The following DAB1 variants were observed in gnomAD, a reference collection of about 807,000 sequenced individuals.
DAB1 encodes disabled homolog 1.
DAB1 carries 15 observed loss-of-function variants against 64.6 expected under a neutral mutation model. The ratio of observed to expected loss-of-function variants is 0.23; its 90% CI spans 0.16 to 0.36. DAB1 has a LOEUF of 0.36. Among genes scored for constraint, DAB1 ranks in the 10% least tolerant of loss-of-function variants. DAB1 has a pLI of 1.00. For missense variants in DAB1, 596 were observed against 706.7 expected, an observed-to-expected ratio of 0.84 and a Z score of 1.78; for synonymous variants, 235 against 251.9, an observed-to-expected ratio of 0.93 and a Z score of 0.64.
At chr1:58,524,925 T>C (rs1365736103) in intron 2 of DAB1, among the ~76,000 whole-genome samples, 1 of 152,204 alleles carries the variant, frequency 6.6e-6, no homozygotes, top group Non-Finnish European at 1.5e-5. Context: ...TGTCTTCTGG[T>C]GTTTTAAGTA....
intron 5 of DAB1, among the ~76,000 whole-genome samples, chr1:57,923,749 T>C (rs1334647285): frequency 6.6e-6 from 1 of 152,222 alleles, no homozygotes; most frequent in Non-Finnish European, 1.5e-5. Flanking sequence ...GAAGACTTTG[T>C]AGGTTGTTAA....
chr1:58,179,732 A>G (rs1656674015), intron 4 of DAB1, among the ~76,000 whole-genome samples: 1 of 151,958 alleles, frequency 6.6e-6, no homozygotes, highest in Admixed American at 6.6e-5. Flanking sequence ...ATTCTGGATC[A>G]GTATAGTAAA....
chr1:57,444,888 C>T (rs1319231458), intron 7 of DAB1, among the ~76,000 whole-genome samples: 1 of 152,186 alleles, frequency 6.6e-6, no homozygotes, highest in Non-Finnish European at 1.5e-5. Flanking sequence ...TAGTTTATTA[C>T]AGCAGCCCTA....
intron 6 of DAB1, among the ~76,000 whole-genome samples, chr1:57,704,633 T>C (rs1646944247): frequency 6.6e-6 from 1 of 152,172 alleles, no homozygotes; most frequent in Admixed American, 6.5e-5. Flanking sequence ...TCAGTTGAAA[T>C]ACAAATTTAT....
chr1:57,430,283 A>C (rs1297879544), intron 7 of DAB1, among the ~76,000 whole-genome samples: 1 of 152,222 alleles, frequency 6.6e-6, no homozygotes, highest in Non-Finnish European at 1.5e-5. Flanking sequence ...ACAAATTATT[A>C]CACAGCCCAC....
At chr1:57,710,405 C>T (rs1647014051) in intron 6 of DAB1, among the ~76,000 whole-genome samples, 1 of 152,142 alleles carries the variant, frequency 6.6e-6, no homozygotes, top group South Asian at 2.1e-4. Context: ...TTTTCACCAT[C>T]TGTAACTCAA....
chr1:57,890,906 C>T (rs1001371799), intron 5 of DAB1, among the ~76,000 whole-genome samples: 3 of 152,154 alleles, frequency 2.0e-5, no homozygotes, highest in African/African-American at 7.2e-5. Context: ...TTTTCATAGT[C>T]ACAACTCATC....
intron 5 of DAB1, among the ~76,000 whole-genome samples, chr1:58,067,906 A>G (rs1648961042): frequency 1.3e-5 from 2 of 152,258 alleles, no homozygotes; most frequent in South Asian, 4.1e-4. Flanking sequence ...TAAAGCATTT[A>G]GGACAGTGCC....
chr1:57,368,726 C>T (rs748055603), intron 1 of DAB1, among the ~76,000 whole-genome samples: 2 of 152,122 alleles, frequency 1.3e-5, no homozygotes, highest in Non-Finnish European at 2.9e-5. Flanking sequence ...CTTGCTCACC[C>T]TCCACTTGTC....
At position 57,010,809 on chromosome 1, in the gene DAB1, A is replaced by G. The variant is rs1179481611; in HGVS notation, c.1573-19T>C. On this transcript the variant is annotated intron_variant, in intron 13 of 14. Transcript: ENST00000371236. ...CATCAGGCTAGAACACAAGAAGATAATACTTTTTTTTTTCTCTCTTTTCAA... is the reference window on the plus strand; with the variant it reads ...CATCAGGCTAGAACACAAGAAGATAGTACTTTTTTTTTTCTCTCTTTTCAA... 1 of 1,521,836 alleles carries G rather than the reference A, an allele frequency of 6.6e-7. No homozygotes were observed. The highest frequency in any genetic ancestry group is 2.2e-5 in the Admixed American group (1 of 45,254). 94.3% of individuals were successfully genotyped at this position (1,521,836 alleles called of 1,614,324 possible).
intron 5 of DAB1, among the ~76,000 whole-genome samples, chr1:57,932,842 G>T (rs565600145): frequency 6.6e-6 from 1 of 152,244 alleles, no homozygotes; most frequent in South Asian, 2.1e-4. Flanking sequence ...TATGTAAAAT[G>T]GGTTTCTTGT....
intron 6 of DAB1, among the ~76,000 whole-genome samples, chr1:57,655,930 A>G (rs2101661605): frequency 6.6e-6 from 1 of 152,242 alleles, no homozygotes; most frequent in African/African-American, 2.4e-5. Context: ...TCTGTTTTCA[A>G]TGGTCTGAAT....
chr1:58,443,559 T>C (rs935668306), intron 3 of DAB1, among the ~76,000 whole-genome samples: 7 of 152,236 alleles, frequency 4.6e-5, no homozygotes, highest in African/African-American at 1.7e-4. Flanking sequence ...AATAGTAATG[T>C]ACCAATGTTA....
chr1:58,017,168 C>T (rs533618734), intron 5 of DAB1, among the ~76,000 whole-genome samples: 15 of 151,998 alleles, frequency 9.9e-5, no homozygotes, highest in African/African-American at 2.9e-4. Flanking sequence ...TTCTGGACCA[C>T]GTTGTCACTT....
intron 4 of DAB1, among the ~76,000 whole-genome samples, chr1:57,079,868 C>T (rs536654842): frequency 1.3e-5 from 2 of 151,924 alleles, no homozygotes; most frequent in East Asian, 3.9e-4. Flanking sequence ...GTCCTCTCTA[C>T]TTCCTCGACT....
chr1:58,441,105 A>G (rs1183216573), intron 3 of DAB1, among the ~76,000 whole-genome samples: 1 of 152,224 alleles, frequency 6.6e-6, no homozygotes, highest in African/African-American at 2.4e-5. Flanking sequence ...ACATTGACAA[A>G]GAGCACATTG....
downstream of DAB1, among the ~76,000 whole-genome samples, chr1:57,822,821 T>G (rs1569783429): frequency 6.6e-6 from 1 of 152,144 alleles, no homozygotes; most frequent in East Asian, 1.9e-4. Context: ...TATTACCATT[T>G]CAACATGGAA....
intron 7 of DAB1, among the ~76,000 whole-genome samples, chr1:57,615,088 T>A (rs183004014): frequency 1.4e-4 from 21 of 152,106 alleles, no homozygotes; most frequent in Admixed American, 1.2e-3. Context: ...GCCAGGATGG[T>A]CTTGATCTCC....
intron 6 of DAB1, among the ~76,000 whole-genome samples, chr1:57,803,260 A>G (rs994398011): frequency 2.0e-5 from 3 of 152,240 alleles, no homozygotes; most frequent in Admixed American, 2.0e-4. Context: ...AGGGCAAAGG[A>G]AAGTTGCCAT....
Sources: allele counts gnomAD v4.1 joint callset (sites outside exome capture counted in the v4.1 genomes callset), GRCh38; gene constraint gnomAD v4.1.1; transcripts MANE v1.5; gene names NCBI Gene and HGNC (gene_info 2026-07-23, HGNC 2026-07-21).